The following TULP4 variants were observed in gnomAD, a reference collection of about 807,000 sequenced individuals.
TULP4 encodes the protein TUB like protein 4.
In TULP4, 16 loss-of-function variants were observed where a neutral mutation model predicts 129.0. The observed-to-expected ratio is 0.12, with a 90% confidence interval of 0.08 to 0.19. The LOEUF is 0.19. TULP4 is among the 10% of genes least tolerant of loss of function. TULP4 has a pLI of 1.00. For missense variants in TULP4, 1,842 were observed against 2,059.1 expected, an observed-to-expected ratio of 0.89 and a Z score of 2.04; for synonymous variants, 998 against 854.0, an observed-to-expected ratio of 1.17 and a Z score of -2.94.
At chr6:158,253,610 C>T (rs1778186308) in intron 1 of TULP4, among the ~76,000 whole-genome samples, 1 of 151,536 alleles carries the variant, frequency 6.6e-6, no homozygotes, top group South Asian at 2.1e-4. Context: ...CCTGAGCTTT[C>T]TCATGGGTGA....
At chr6:158,293,689 A>G (rs1778981387) in intron 1 of TULP4, among the ~76,000 whole-genome samples, 1 of 152,244 alleles carries the variant, frequency 6.6e-6, no homozygotes, top group Non-Finnish European at 1.5e-5. Flanking sequence ...GTCAATGGGA[A>G]AATGATTTGA....
At chr6:158,379,561 A>G (rs766929234) in intron 1 of TULP4, among the ~76,000 whole-genome samples, 30 of 152,202 alleles carry the variant, frequency 2.0e-4, no homozygotes, top group Non-Finnish European at 3.5e-4. Context: ...GCTAGTTTCT[A>G]CGTGTTTAGC....
intron 12 of TULP4, among the ~76,000 whole-genome samples, chr6:158,501,259 C>T (rs375551764): frequency 1.3e-5 from 2 of 152,066 alleles, no homozygotes; most frequent in African/African-American, 2.4e-5. Context: ...CATGAATAGA[C>T]CTATTCAGAG....
intron 1 of TULP4, among the ~76,000 whole-genome samples, chr6:158,360,655 T>G (rs1780764825): frequency 6.6e-6 from 1 of 152,164 alleles, no homozygotes; most frequent in Non-Finnish European, 1.5e-5. Context: ...AGGTAATTGT[T>G]GCTGAGATGT....
intron 1 of TULP4, among the ~76,000 whole-genome samples, chr6:158,397,484 T>C (rs1777744107): frequency 6.6e-6 from 1 of 152,168 alleles, no homozygotes; most frequent in South Asian, 2.1e-4. Flanking sequence ...CCAACACAAA[T>C]TCGTAAACTT....
intron 1 of TULP4, among the ~76,000 whole-genome samples, chr6:158,343,298 C>CA (rs1780225321): frequency 6.6e-6 from 1 of 152,262 alleles, no homozygotes; most frequent in South Asian, 2.1e-4. Flanking sequence ...TTAGATTCTT[C>CA]AAACTTGGTT....
rs1257007278 is a variant in TULP4, at chr6:158,506,454, A to G, written c.4516-124A>G. 6.8e-6 allele frequency: 5 copies of G among 734,720 alleles called. No individual in the cohort carries two copies. In the African/African-American group the frequency reaches 8.6e-5, roughly 13 times the overall value. 45.5% of individuals were successfully genotyped at this position (734,720 alleles called of 1,614,324 possible). On this transcript the variant is annotated intron_variant, in intron 13 of 13. Coordinates refer to ENST00000367097, the MANE Select transcript of TULP4 (RefSeq NM_020245.5). ...CACCGTGTTAGCCAGGGTGGTCTCT[A>G]TCTCCTGACGTCGTGATCTGCCCAC...
intron 4 of TULP4, among the ~76,000 whole-genome samples, chr6:158,451,736 T>C (rs1779165473): frequency 6.6e-6 from 1 of 152,280 alleles, no homozygotes; most frequent in Admixed American, 6.5e-5. Context: ...TTTTCTCTCT[T>C]AGACCAGAAT....
At chr6:158,327,984 A>G (rs1779782761) in intron 1 of TULP4, among the ~76,000 whole-genome samples, 1 of 151,960 alleles carries the variant, frequency 6.6e-6, no homozygotes, top group South Asian at 2.1e-4. Context: ...GTCAGCATCC[A>G]AGCAGCTTTC....
At chr6:158,354,953 T>A (rs924292971) in intron 1 of TULP4, among the ~76,000 whole-genome samples, 6 of 151,832 alleles carry the variant, frequency 4.0e-5, no homozygotes, top group African/African-American at 1.5e-4. Flanking sequence ...TATAAATAAT[T>A]GCCATACAGG....
chr6:158,419,279 GTGTTTGTTCATTTATTTTCTCATTACC>G (rs1778283369), intron 2 of TULP4, among the ~76,000 whole-genome samples: 1 of 152,104 alleles, frequency 6.6e-6, no homozygotes, highest in South Asian at 2.1e-4. Flanking sequence ...TGTTCTTTTG[GTGTTTGTTCATTTATTTTCTCATTACC>G]TGAAATGTAA....
intron 1 of TULP4, among the ~76,000 whole-genome samples, chr6:158,272,822 T>C (rs575565944): frequency 6.6e-6 from 1 of 152,374 alleles, no homozygotes; most frequent in African/African-American, 2.4e-5. Context: ...AACTTTACTA[T>C]AGTAGATGTG....
At chr6:158,281,665 T>C (rs1778755571), upstream of TULP4, among the ~76,000 whole-genome samples, 1 of 152,070 alleles carries the variant, frequency 6.6e-6, no homozygotes, top group South Asian at 2.1e-4. Context: ...GAAGGACAGG[T>C]TCTCTTTTCT....
chr6:158,249,766 T>C (rs1324266338), intron 1 of TULP4, among the ~76,000 whole-genome samples: 2 of 152,256 alleles, frequency 1.3e-5, no homozygotes, highest in Non-Finnish European at 2.9e-5. Context: ...ACTTTCAGAC[T>C]TTTTCTGGAC....
At chr6:158,491,565 T>C (rs1780211507) in intron 9 of TULP4, among the ~76,000 whole-genome samples, 1 of 151,910 alleles carries the variant, frequency 6.6e-6, no homozygotes, top group Admixed American at 6.6e-5. Flanking sequence ...TGATCTCGGC[T>C]CACTGCAACC....
At chr6:158,259,589 A>G (rs1371999467) in intron 1 of TULP4, among the ~76,000 whole-genome samples, 1 of 152,176 alleles carries the variant, frequency 6.6e-6, no homozygotes, top group Admixed American at 6.5e-5. Flanking sequence ...AGAGGTCATA[A>G]TGCTTTGACA....
At chr6:158,445,827 G>A (rs1260093798) in intron 3 of TULP4, among the ~76,000 whole-genome samples, 1 of 152,174 alleles carries the variant, frequency 6.6e-6, no homozygotes, top group Non-Finnish European at 1.5e-5. Context: ...GGAGATGGCA[G>A]GAATGCAGTT....
intron 1 of TULP4, among the ~76,000 whole-genome samples, chr6:158,264,234 A>G (rs952680716): frequency 7.2e-5 from 11 of 152,222 alleles, no homozygotes; most frequent in African/African-American, 2.4e-4. Context: ...GCAGGAGCCC[A>G]TTCAGAGGTT....
intron 1 of TULP4, among the ~76,000 whole-genome samples, chr6:158,287,002 G>C (rs547101010): frequency 1.3e-5 from 2 of 152,340 alleles, no homozygotes; most frequent in East Asian, 3.8e-4. Flanking sequence ...TTTGCCAACA[G>C]ATATTTACTG....
Sources: allele counts gnomAD v4.1 joint callset (sites outside exome capture counted in the v4.1 genomes callset), GRCh38; gene constraint gnomAD v4.1.1; transcripts MANE v1.5; gene names NCBI Gene and HGNC (gene_info 2026-07-23, HGNC 2026-07-21).